The following ARMCX4 variants were observed in gnomAD, a reference collection of about 807,000 sequenced individuals.
ARMCX4 encodes armadillo repeat containing X-linked 4.
In ARMCX4, 3 loss-of-function variants were observed where a neutral mutation model predicts 34.7. The observed-to-expected ratio is 0.09, with a 90% CI of 0.04 to 0.22. The LOEUF is 0.22. Ranked by LOEUF, ARMCX4 falls within the 10% of genes least tolerant of loss-of-function variation. The pLI, the probability that ARMCX4 is intolerant of heterozygous loss-of-function variation, is 1.00. For synonymous variants in ARMCX4, 513 were observed against 632.8 expected (o/e 0.81, Z 2.84); for missense variants, 1,448 against 1,720.8 (o/e 0.84, Z 2.81).
chrX:101,509,305 T>C (rs782280622), intron 8 of ARMCX4: 1 of 111,693 alleles, frequency 9.0e-6, no homozygotes, highest in South Asian at 3.8e-4. Context: ...TTAGATTCAC[T>C]GTTTCCTGGA....
At chrX:101,428,466 T>C (rs1341307823) in intron 2 of ARMCX4, among the ~76,000 whole-genome samples, 2 of 112,489 alleles carry the variant, frequency 1.8e-5, no homozygotes, top group African/African-American at 6.5e-5. Flanking sequence ...TGTATACATA[T>C]CAATTTCATT....
intron 11 of ARMCX4, among the ~76,000 whole-genome samples, chrX:101,522,887 G>T (rs782460449): frequency 5.3e-5 from 6 of 112,205 alleles, no homozygotes; most frequent in Non-Finnish European, 1.1e-4. Context: ...TAGGAGAAAA[G>T]ACAGAATTAT....
At chrX:101,436,347 C>T (rs377304996) in intron 2 of ARMCX4, among the ~76,000 whole-genome samples, 1 of 110,477 alleles carries the variant, frequency 9.1e-6, no homozygotes, top group Non-Finnish European at 1.9e-5. Flanking sequence ...TTCTCCTTTA[C>T]GAGGTCCTTC....
intron 4 of ARMCX4, among the ~76,000 whole-genome samples, chrX:101,472,808 C>T (rs1340737948): frequency 5.5e-5 from 5 of 90,505 alleles, no homozygotes; most frequent in Non-Finnish European, 1.1e-4. Flanking sequence ...CTGAAGGAAG[C>T]GCTAAACATG....
At chrX:101,474,820 A>G (rs1933100642) in intron 4 of ARMCX4, among the ~76,000 whole-genome samples, 2 of 95,610 alleles carry the variant, frequency 2.1e-5, no homozygotes, top group African/African-American at 3.8e-5. Flanking sequence ...CAAAATAATA[A>G]GAGCTATCTA....
chrX:101,430,412 C>G (rs1555991743), intron 2 of ARMCX4, among the ~76,000 whole-genome samples: 1 of 112,311 alleles, frequency 8.9e-6, no homozygotes, highest in African/African-American at 3.2e-5. Flanking sequence ...GTAATAAACA[C>G]TATTGGATTT....
chrX:101,512,965 A>G (rs1216952083), intron 11 of ARMCX4, among the ~76,000 whole-genome samples: 2 of 108,223 alleles, frequency 1.8e-5, no homozygotes, highest in Non-Finnish European at 3.8e-5. Context: ...TTTTTAGGGC[A>G]TGCTGGCAGG....
chrX:101,497,227 T>C (rs1934197002), downstream of ARMCX4, among the ~76,000 whole-genome samples: 1 of 111,283 alleles, frequency 9.0e-6, no homozygotes, highest in African/African-American at 3.3e-5. Flanking sequence ...CATTTGTTGT[T>C]TTTTCTCTTT....
At chrX:101,504,786 A>G (rs190299305) in intron 7 of ARMCX4, among the ~76,000 whole-genome samples, 1 of 111,309 alleles carries the variant, frequency 9.0e-6, no homozygotes, top group East Asian at 2.8e-4. Context: ...TGAAAATGCA[A>G]TCCTTCTTCT....
chrX:101,515,536 T>TCTCTTTCG (rs1278450582), intron 11 of ARMCX4, among the ~76,000 whole-genome samples: 1 of 12,736 alleles, frequency 7.9e-5, no homozygotes, highest in Non-Finnish European at 1.8e-4. Context: ...TCTCTCTTTA[T>TCTCTTTCG]CTCTTTCTCT....
At chrX:101,531,409 C>G (rs989454320) in intron 11 of ARMCX4, among the ~76,000 whole-genome samples, 1 of 111,799 alleles carries the variant, frequency 8.9e-6, no homozygotes, top group African/African-American at 3.2e-5. Context: ...TTAAAGTGTT[C>G]TAGAGCTTAG....
At chrX:101,471,083 G>C (rs1479205091) in intron 4 of ARMCX4, among the ~76,000 whole-genome samples, 1 of 112,059 alleles carries the variant, frequency 8.9e-6, no homozygotes, top group African/African-American at 3.2e-5. Context: ...AGATGTTGAG[G>C]ACTAGATATC....
At chrX:101,516,578 A>C (rs1934749190) in intron 11 of ARMCX4, 2 of 111,418 alleles carry the variant, frequency 1.8e-5, no homozygotes, top group African/African-American at 6.5e-5. Flanking sequence ...ATAATACGGT[A>C]ATTTTGGAGT....
chrX:101,429,332 C>CT (rs151320609), intron 2 of ARMCX4, among the ~76,000 whole-genome samples: 3,276 of 64,124 alleles, frequency 0.051, 114 homozygotes, highest in South Asian at 0.091. Context: ...CCTAGATTGT[C>CT]TTTTTTTTTT....
chrX:101,527,470 T>C (rs1935004238), intron 11 of ARMCX4, among the ~76,000 whole-genome samples: 1 of 109,715 alleles, frequency 9.1e-6, no homozygotes, highest in Non-Finnish European at 1.9e-5. Context: ...AGGCAAGAAA[T>C]AACTAAAATC....
At chrX:101,500,423 C>T (rs1934271186), downstream of ARMCX4, among the ~76,000 whole-genome samples, 1 of 111,597 alleles carries the variant, frequency 9.0e-6, no homozygotes, top group Non-Finnish European at 1.9e-5. Context: ...TAAATGAAAA[C>T]ATATGGCATC....
intron 4 of ARMCX4, among the ~76,000 whole-genome samples, chrX:101,456,830 T>C (rs1932314101): frequency 9.0e-6 from 1 of 111,533 alleles, no homozygotes; most frequent in Admixed American, 9.5e-5. Context: ...GGATTCAAAG[T>C]CCATATATTG....
chrX:101,503,160 C>T (rs1403110737), intron 7 of ARMCX4, among the ~76,000 whole-genome samples: 1 of 109,881 alleles, frequency 9.1e-6, no homozygotes, highest in Non-Finnish European at 1.9e-5. Context: ...GTATATGTGC[C>T]ACATTTTCTT....
chrX:101,426,015 G>T (rs1555990941), intron 2 of ARMCX4, among the ~76,000 whole-genome samples: 1 of 109,807 alleles, frequency 9.1e-6, no homozygotes, highest in Non-Finnish European at 1.9e-5. Flanking sequence ...TAGACATGGG[G>T]TCTTGCCATG....
Sources: allele counts gnomAD v4.1 joint callset (sites outside exome capture counted in the v4.1 genomes callset), GRCh38; gene constraint gnomAD v4.1.1; transcripts MANE v1.5; gene names NCBI Gene and HGNC (gene_info 2026-07-23, HGNC 2026-07-21).